The following ZMYM2 variants were observed in gnomAD, a reference collection of about 807,000 sequenced individuals.
ZMYM2 encodes zinc finger MYM-type protein 2.
In ZMYM2, 56 loss-of-function variants were observed where a neutral mutation model predicts 162.8. The observed-to-expected ratio is 0.34, with a 90% confidence interval of 0.28 to 0.43. The LOEUF (loss-of-function observed/expected upper bound fraction) is 0.43, where lower values mean the gene tolerates loss of function less well. Ranked by LOEUF, ZMYM2 falls within the 20% of genes least tolerant of loss-of-function variation. ZMYM2 has a pLI of 1.00. For synonymous variants in ZMYM2, 510 were observed against 541.6 expected (o/e 0.94, Z 0.81); for missense variants, 1,275 against 1,621.8 (o/e 0.79, Z 3.67).
intron 6 of ZMYM2, among the ~76,000 whole-genome samples, chr13:20,007,046 G>A (rs1025992804): frequency 1.3e-5 from 2 of 152,176 alleles, no homozygotes; most frequent in South Asian, 2.1e-4. Context: ...TCCTCTTTGG[G>A]AGTTGGAGAG....
At chr13:19,930,740 T>C in the ZMYM2 span, among the ~76,000 whole-genome samples, 1 of 151,364 alleles carries the variant, frequency 6.6e-6, no homozygotes, top group African/African-American at 2.4e-5. Context: ...GGGTTTTCCA[T>C]ATTGGCCAGG....
At chr13:20,011,934 G>A (rs537262498) in intron 6 of ZMYM2, among the ~76,000 whole-genome samples, 2 of 152,084 alleles carry the variant, frequency 1.3e-5, no homozygotes, top group South Asian at 4.1e-4. Flanking sequence ...ATTTTTAGTA[G>A]AGACGGGGTT....
In ZMYM2 at chr13:20,026,532, A is replaced by G. The variant is rs371526969; in HGVS notation, c.1585-80A>G. 16 of 1,421,542 alleles carry G rather than the reference A, an allele frequency of 1.1e-5. No homozygotes were observed. The South Asian group carries it at 2.2e-4, about 20-fold the overall frequency. 88.1% of individuals were successfully genotyped at this position (1,421,542 alleles called of 1,614,324 possible). On this transcript the variant is annotated intron_variant, in intron 7 of 24. Transcript: ENST00000610343. ...TAACAGGATTGTTTTGCAGAGGCAA[A>G]AAGTGTAATGAAAAATTGGTAATTC...
At chr13:19,900,802 G>C in the ZMYM2 span, among the ~76,000 whole-genome samples, 1 of 152,132 alleles carries the variant, frequency 6.6e-6, no homozygotes, top group Non-Finnish European at 1.5e-5. Context: ...GGGAGGCCGA[G>C]GCGGGCAGAT....
Position 19,995,835 on chromosome 13 carries a change from T to C in ZMYM2, c.847+1916T>C, listed in dbSNP as rs567884854. Among the ~76,000 whole-genome samples the C allele has an allele frequency of 2.0e-5, 3 of 152,164 alleles. No homozygotes were observed. In the East Asian group the frequency reaches 5.8e-4, roughly 29 times the overall value. ...GAAAAAATACAAAATACTGAAAATA[T>C]GAAAAGTTAGCTAGGCATAGTGGTG... is the stretch of plus-strand genomic sequence containing the variant. On this transcript the variant is annotated intron_variant, in intron 3 of 24. Coordinates refer to ENST00000610343, the MANE Select transcript of ZMYM2 (RefSeq NM_197968.4).
chr13:19,978,607 G>A (rs867543893), intron 2 of ZMYM2, among the ~76,000 whole-genome samples: 1 of 151,986 alleles, frequency 6.6e-6, no homozygotes, highest in Non-Finnish European at 1.5e-5. Context: ...TAGAGACGGG[G>A]TTTCTTCATG....
intron 21 of ZMYM2, among the ~76,000 whole-genome samples, chr13:20,071,510 T>A (rs4769937): frequency 0.14 from 21,596 of 152,138 alleles, 2,074 homozygotes; most frequent in Admixed American, 0.23. Flanking sequence ...TTGCCCCTTA[T>A]CTGGATGAAG....
chr13:20,030,620 G>A (rs946626266), intron 9 of ZMYM2, among the ~76,000 whole-genome samples: 15 of 152,142 alleles, frequency 9.9e-5, no homozygotes, highest in South Asian at 2.1e-4. Context: ...GGATGGTCTC[G>A]ATCTCCTGAC....
intron 10 of ZMYM2, among the ~76,000 whole-genome samples, chr13:20,032,889 G>C (rs1177839897): frequency 6.6e-6 from 1 of 152,180 alleles, no homozygotes; most frequent in South Asian, 2.1e-4. Context: ...GATCACAGGC[G>C]TGAGCCACCG....
chr13:20,050,347 C>T (rs1360657077), intron 12 of ZMYM2, among the ~76,000 whole-genome samples: 1 of 151,808 alleles, frequency 6.6e-6, no homozygotes, highest in Admixed American at 6.6e-5. Flanking sequence ...TGTAGAATTC[C>T]TCTTGAAATA....
intron 6 of ZMYM2, among the ~76,000 whole-genome samples, chr13:20,010,471 A>T (rs1365531031): frequency 2.6e-5 from 4 of 152,068 alleles, no homozygotes; most frequent in Non-Finnish European, 4.4e-5. Context: ...CCAAAGTGCT[A>T]GGATTACAGT....
the ZMYM2 span, among the ~76,000 whole-genome samples, chr13:19,885,880 C>CACATATATGTGTATAT: frequency 1.2e-5 from 1 of 81,512 alleles, no homozygotes; most frequent in Non-Finnish European, 2.5e-5. Flanking sequence ...TATGTATATA[C>CACATATATGTGTATAT]ACATATATAT....
intron 6 of ZMYM2, among the ~76,000 whole-genome samples, chr13:20,016,314 A>G (rs1334306090): frequency 2.0e-5 from 3 of 152,124 alleles, no homozygotes; most frequent in Admixed American, 6.6e-5. Context: ...TATAGATTAC[A>G]TTTTTAAGCA....
At chr13:19,900,721 A>G in the ZMYM2 span, among the ~76,000 whole-genome samples, 1 of 152,046 alleles carries the variant, frequency 6.6e-6, no homozygotes, top group Non-Finnish European at 1.5e-5. Flanking sequence ...AAATAATAAT[A>G]ATAATAATAA....
the ZMYM2 span, among the ~76,000 whole-genome samples, chr13:19,884,784 A>G: frequency 1.3e-5 from 2 of 152,102 alleles, no homozygotes; most frequent in Non-Finnish European, 2.9e-5. Flanking sequence ...CGCCCCCAAG[A>G]CAGAAAAACA....
chr13:20,023,641 A>AT (rs771269699), intron 7 of ZMYM2, among the ~76,000 whole-genome samples: 1 of 152,090 alleles, frequency 6.6e-6, no homozygotes, highest in Non-Finnish European at 1.5e-5. Flanking sequence ...ACGTAGGCTT[A>AT]TTTTTCCCCA....
the ZMYM2 span, among the ~76,000 whole-genome samples, chr13:19,914,656 C>G: frequency 6.6e-6 from 1 of 152,234 alleles, no homozygotes; most frequent in Non-Finnish European, 1.5e-5. Context: ...AAACTACCAT[C>G]TGTGCATTTA....
At chr13:19,909,675 C>T in the ZMYM2 span, among the ~76,000 whole-genome samples, 8 of 151,820 alleles carry the variant, frequency 5.3e-5, no homozygotes, top group Non-Finnish European at 7.4e-5. Flanking sequence ...TCAGGTGATC[C>T]GCCTGCCTTG....
intron 2 of ZMYM2, among the ~76,000 whole-genome samples, chr13:19,992,330 C>T (rs1177608740): frequency 1.3e-5 from 2 of 152,250 alleles, no homozygotes; most frequent in East Asian, 3.9e-4. Flanking sequence ...AGGCCGAGTT[C>T]AGGGGATCTC....
Sources: gnomAD v4.1 joint callset for allele counts (sites outside exome capture counted in the v4.1 genomes callset) on GRCh38, gnomAD v4.1.1 for gene constraint, MANE v1.5 for transcripts, NCBI Gene and HGNC (gene_info 2026-07-23, HGNC 2026-07-21) for gene names.